HCN1: variants seen among roughly 807,000 people sequenced by gnomAD.
HCN1 encodes hyperpolarization activated cyclic nucleotide gated potassium channel 1.
HCN1 carries 13 observed loss-of-function variants against 78.9 expected under a neutral mutation model. That is an observed-to-expected ratio of 0.16 (90% CI 0.11 to 0.26). HCN1 has a LOEUF of 0.26. Among genes scored for constraint, HCN1 ranks in the 10% least tolerant of loss-of-function variants. The pLI is 1.00. For missense variants in HCN1, 810 were observed against 1,154.3 expected (o/e 0.70, Z 4.32); for synonymous variants, 552 against 455.5 (o/e 1.21, Z -2.70).
intron 4 of HCN1, among the ~76,000 whole-genome samples, chr5:45,372,245 T>C (rs1467994710): frequency 6.8e-5 from 5 of 73,006 alleles, no homozygotes; most frequent in Non-Finnish European, 9.0e-5. Context: ...TTATATTTTA[T>C]ATATAATATA....
At chr5:45,636,658 G>A (rs1367223330) in intron 2 of HCN1, among the ~76,000 whole-genome samples, 1 of 152,046 alleles carries the variant, frequency 6.6e-6, no homozygotes, top group Admixed American at 6.6e-5. Context: ...GACCAGCCAG[G>A]ACAATATAGC....
chr5:45,398,721 G>A (rs765574903), intron 3 of HCN1, among the ~76,000 whole-genome samples: 2 of 152,082 alleles, frequency 1.3e-5, no homozygotes, highest in African/African-American at 2.4e-5. Context: ...TATATTTTTA[G>A]TTACAAAGAA....
At chr5:45,263,046 G>T (rs1303736100) in intron 7 of HCN1, among the ~76,000 whole-genome samples, 1 of 152,162 alleles carries the variant, frequency 6.6e-6, no homozygotes, top group African/African-American at 2.4e-5. Flanking sequence ...ATATGGCAAA[G>T]AGCCACTTTA....
At chr5:45,346,987 C>G (rs1579828209) in intron 5 of HCN1, among the ~76,000 whole-genome samples, 1 of 152,236 alleles carries the variant, frequency 6.6e-6, no homozygotes. Context: ...TTAAATGTCC[C>G]TGTCTGACTG....
At chr5:45,368,364 A>T (rs1747277800) in intron 4 of HCN1, among the ~76,000 whole-genome samples, 1 of 151,992 alleles carries the variant, frequency 6.6e-6, no homozygotes, top group Non-Finnish European at 1.5e-5. Context: ...TTATAGCAAA[A>T]ACATAATTAT....
intron 5 of HCN1, among the ~76,000 whole-genome samples, chr5:45,323,746 G>T (rs1746175594): frequency 6.6e-6 from 1 of 151,788 alleles, no homozygotes; most frequent in South Asian, 2.1e-4. Context: ...CCCGGTGTGT[G>T]ATGTTCCCCT....
intron 6 of HCN1, among the ~76,000 whole-genome samples, chr5:45,274,331 C>G (rs1230208238): frequency 6.6e-6 from 1 of 152,094 alleles, no homozygotes; most frequent in Non-Finnish European, 1.5e-5. Flanking sequence ...AATCTTAGCT[C>G]CAAGTTCAAT....
intron 1 of HCN1, among the ~76,000 whole-genome samples, chr5:45,655,337 T>C (rs903672007): frequency 2.6e-5 from 4 of 152,062 alleles, no homozygotes; most frequent in African/African-American, 9.7e-5. Flanking sequence ...TACACAACCT[T>C]GTCTAAGTTT....
chr5:45,327,666 T>G (rs1425290605), intron 5 of HCN1, among the ~76,000 whole-genome samples: 9 of 151,594 alleles, frequency 5.9e-5, no homozygotes, highest in African/African-American at 2.2e-4. Context: ...GAGAATGTAT[T>G]TAGATAGAGG....
intron 1 of HCN1, among the ~76,000 whole-genome samples, chr5:45,681,996 G>C (rs1044128071): frequency 2.0e-5 from 3 of 151,874 alleles, no homozygotes; most frequent in Non-Finnish European, 2.9e-5. Flanking sequence ...GAGGTGATTA[G>C]GTCATGAGGA....
In HCN1 at chr5:45,695,990, G is replaced by A. The variant is rs1344167758; in HGVS notation, c.104C>T (p.Ala35Val). The A allele has an allele frequency of 2.3e-6, 3 of 1,294,238 alleles. No individual in the cohort carries two copies. Among genetic ancestry groups the A allele is most frequent in the Non-Finnish European group, 2.9e-6 (3 of 1,019,812 alleles). 80.2% of individuals were successfully genotyped at this position (1,294,238 alleles called of 1,614,324 possible). A position where few individuals can be genotyped will look rare whatever the true frequency, so the allele number is the denominator to read the frequency against. ...ASATGAGPAA[A>V]EKRLGTPPGG... is the part of the protein sequence containing the mutation. ...CGGCGGGGTGCCCAGGCGCTTCTCG[G>A]CCGCGGCCGGCCCCGCGCCCGTCGC... The change falls in exon 1 of 8, where the codon GCC becomes GTC. Residue 35 changes from alanine to valine, a missense_variant. Physicochemically the swap from Ala to Val is moderately conservative, Grantham distance 64. Around this residue, in one of 6 missense-constraint regions of HCN1, gnomAD observed 170 missense variants for 166.8 expected, o/e 1.02. Coordinates refer to ENST00000303230, the MANE Select transcript of HCN1 (RefSeq NM_021072.4).
chr5:45,665,215 A>C (rs1350515392), intron 1 of HCN1, among the ~76,000 whole-genome samples: 1 of 150,290 alleles, frequency 6.7e-6, no homozygotes, highest in African/African-American at 2.4e-5. Flanking sequence ...ACCAAACACC[A>C]CATGTTCTCA....
At chr5:45,423,840 G>C (rs1740280128) in intron 3 of HCN1, among the ~76,000 whole-genome samples, 1 of 151,990 alleles carries the variant, frequency 6.6e-6, no homozygotes, top group African/African-American at 2.4e-5. Context: ...TCTTTAAATT[G>C]CATATTTTTA....
chr5:45,360,095 T>C (rs1747080463), intron 4 of HCN1, among the ~76,000 whole-genome samples: 2 of 151,236 alleles, frequency 1.3e-5, no homozygotes, highest in South Asian at 4.1e-4. Flanking sequence ...TAAATAGTAA[T>C]TATTAGAAAT....
intron 2 of HCN1, chr5:45,641,797 C>G (rs1306362133): frequency 2.6e-5 from 4 of 152,274 alleles, no homozygotes; most frequent in African/African-American, 9.6e-5. Context: ...TAAAGGAACT[C>G]TTCACCTTTA....
Position 45,263,057 on chromosome 5 carries a change from C to T in HCN1, c.1784-247G>A, listed in dbSNP as rs147699735. On this transcript the variant is annotated intron_variant, in intron 7 of 7. Transcript: ENST00000303230. ...TGTAATATGGCAAAGAGCCACTTTACAGAAGAAATGGAGATATTTAACATG... is the reference window on the plus strand; with the variant it reads ...TGTAATATGGCAAAGAGCCACTTTATAGAAGAAATGGAGATATTTAACATG... 2.0e-3 allele frequency among the ~76,000 whole-genome samples: 308 copies of T among 152,156 alleles called. 3 individuals carry two copies. Among genetic ancestry groups the T allele is most frequent in the African/African-American group, 7.2e-3 (299 of 41,494 alleles).
chr5:45,312,254 T>C (rs980959397), intron 5 of HCN1, among the ~76,000 whole-genome samples: 1 of 152,176 alleles, frequency 6.6e-6, no homozygotes, highest in Non-Finnish European at 1.5e-5. Context: ...GATTTTAAAT[T>C]GAATTTTATA....
intron 1 of HCN1, among the ~76,000 whole-genome samples, chr5:45,672,473 T>G (rs1191254050): frequency 1.3e-5 from 2 of 151,248 alleles, no homozygotes; most frequent in Non-Finnish European, 3.0e-5. Context: ...TACAAATGTT[T>G]ATTCTCAGGC....
At chr5:45,402,659 C>A (rs188474425) in intron 3 of HCN1, among the ~76,000 whole-genome samples, 1 of 152,110 alleles carries the variant, frequency 6.6e-6, no homozygotes, top group East Asian at 1.9e-4. Flanking sequence ...ACAACAATAA[C>A]AATTTTGAGA....
Sources: gnomAD v4.1 joint callset for allele counts (sites outside exome capture counted in the v4.1 genomes callset) on GRCh38, gnomAD v4.1.1 for gene constraint, gnomAD v4.1.1 regional missense constraint, MANE v1.5 for transcripts, NCBI Gene and HGNC (gene_info 2026-07-23, HGNC 2026-07-21) for gene names.